Variants in DUSP8 observed in about 807,000 individuals in gnomAD.
The protein encoded by DUSP8 is dual specificity phosphatase 8, also known as dual specificity protein phosphatase 8.
Under a neutral mutation model 38.7 loss-of-function variants are expected in DUSP8, and 15 were observed. That is an observed-to-expected ratio of 0.39 (90% CI 0.26 to 0.60). The LOEUF (loss-of-function observed/expected upper bound fraction) is 0.60, where lower values mean the gene tolerates loss of function less well. DUSP8 is among the 20% of genes least tolerant of loss of function. The probability of loss-of-function intolerance (pLI) is 0.56; values close to 1 mark genes in which losing one functional copy is unlikely to be tolerated. For synonymous variants in DUSP8, 458 were observed against 433.9 expected, an observed-to-expected ratio of 1.06 and a Z score of -0.69; for missense variants, 768 against 915.0, an observed-to-expected ratio of 0.84 and a Z score of 2.07.
At chr11:1,570,900 G>T (rs1206009835) in intron 1 of DUSP8, among the ~76,000 whole-genome samples, 2 of 152,016 alleles carry the variant, frequency 1.3e-5, no homozygotes, top group Non-Finnish European at 2.9e-5. Flanking sequence ...CAGACCCCCC[G>T]CTGGGGCACA....
intron 3 of DUSP8, among the ~76,000 whole-genome samples, chr11:1,561,105 G>C (rs1470197382): frequency 6.6e-6 from 1 of 152,110 alleles, no homozygotes; most frequent in African/African-American, 2.4e-5. Flanking sequence ...CCCAGGCTCT[G>C]GGGGTGAGTG....
rs1214485042 is a variant in DUSP8, at chr11:1,558,129, T to C, written c.680A>G (p.Lys227Arg). Residue 227 changes from lysine to arginine, a missense_variant, in exon 5 of 7, where the codon AAG (lysine) becomes AGG (arginine). Lys to Arg is a conservative substitution (Grantham distance 26, BLOSUM62 2). Coordinates refer to ENST00000397374, the MANE Select transcript of DUSP8 (RefSeq NM_004420.3). This position sits in a 1 kb window ranked among gnomAD's most constrained non-coding sequence, Gnocchi z 6.3. ...AGACTCACCGATGAACTCGATGGAC[T>C]TGTCCAGCCAGGGCAGCAGTTTTTC... ...YCEKLLPWLD[K>R]SIEFIDKAKL... is the part of the protein sequence containing the mutation. 1 of 1,611,944 alleles carries C rather than the reference T, an allele frequency of 6.2e-7. No homozygotes were observed. The highest frequency in any genetic ancestry group is 1.1e-5 in the South Asian group (1 of 90,982).
chr11:1,557,349 C>G lies in DUSP8; in HGVS notation c.1047G>C (p.Glu349Asp). ...GCTCCCCGCCCGCGCTCAGGCCGCC[C>G]TCCCTGGCAGCCGCATTCCCTGTGG... ...SAATGNAAAR[E>D]GGLSAGGEPP... The change falls in exon 7 of 7, where the codon GAG becomes GAC. Residue 349 changes from glutamate (E) to aspartate (D), a missense_variant. Coordinates refer to ENST00000397374, the MANE Select transcript of DUSP8 (RefSeq NM_004420.3). The surrounding 1 kb of genome is among the most constrained non-coding windows in gnomAD (Gnocchi z 9.9). 6.4e-7 allele frequency: 1 copy of G among 1,551,554 alleles called. No individual in the cohort carries two copies. Among genetic ancestry groups the G allele is most frequent in the Admixed American group, 1.9e-5 (1 of 52,758 alleles).
Position 1,557,488 on chromosome 11 carries a change from A to C in DUSP8, c.908T>G (p.Leu303Arg). The C allele has an allele frequency of 3.8e-6, 6 of 1,575,932 alleles. No individual in the cohort carries two copies. The highest frequency in any genetic ancestry group is 5.1e-6 in the Non-Finnish European group (6 of 1,170,992). The change falls in exon 7 of 7, where the codon CTG becomes CGG. Residue 303 changes from leucine to arginine, a missense_variant. Physicochemically the swap from Leu to Arg is moderately radical, Grantham distance 102 (BLOSUM62 -2). This residue lies in a region of DUSP8 where 474 missense variants were observed against 430.8 expected (regional missense o/e 1.10). Coordinates refer to ENST00000397374, the MANE Select transcript of DUSP8 (RefSeq NM_004420.3). The surrounding 1 kb of genome is among the most constrained non-coding windows in gnomAD (Gnocchi z 9.9). ...GCCCGGGTCGCCCTGCAGGGCGGCC[A>C]GCAGCTTCAGGCTGCGCTCGTACTC... ...LLEYERSLKL[L>R]AALQGDPGTP...
intron 3 of DUSP8, 75 bp from the exon 4 acceptor site, chr11:1,559,130 CT>C: frequency 2.1e-6 from 3 of 1,413,424 alleles, no homozygotes; most frequent in Non-Finnish European, 2.9e-6. Flanking sequence ...CCCTGTCCGC[CT>C]AGGGCACCCC....
rs952456420 is a variant in DUSP8 at position 1,559,065 on chromosome 11, G to A, written c.371-10C>T. On this transcript the variant is annotated splice_polypyrimidine_tract_variant and intron_variant, in intron 3 of 6. Coordinates refer to ENST00000397374, the MANE Select transcript of DUSP8 (RefSeq NM_004420.3). ...AAGGTGGCGAAGCCCCCTGTAGGAG[G>A]AGGGCCGTCAAGTGGGTTGAGAGAA... 1.2e-6 allele frequency: 2 copies of A among 1,607,750 alleles called. No individual in the cohort carries two copies. Among genetic ancestry groups the A allele is most frequent in the Middle Eastern group, 2.2e-4 (1 of 4,466 alleles).
rs757170574 is a variant in DUSP8, at chr11:1,565,807, G to A, written c.20C>T (p.Pro7Leu). MAGDRL[P>L]RKVMDAKKLA... ...CTTCTTGGCATCCATCACCTTCCTC[G>A]GGAGCCGGTCCCCAGCCATGGTGGG... The change falls in exon 2 of 7, where the codon CCG (proline) becomes CTG (leucine). Residue 7 changes from proline (P) to leucine (L), a missense_variant. This residue lies in a region of DUSP8 where 252 missense variants were observed against 410.4 expected (regional missense o/e 0.61). Transcript: ENST00000397374. 6 of 1,607,062 alleles carry A rather than the reference G, an allele frequency of 3.7e-6. No individual in the cohort carries two copies. The highest frequency in any genetic ancestry group is 2.2e-5 in the East Asian group (1 of 44,664).
intron 2 of DUSP8, 85 bp downstream of exon 2, chr11:1,565,511 A>G (rs1415142709): frequency 7.3e-6 from 8 of 1,095,492 alleles, no homozygotes; most frequent in Middle Eastern, 4.2e-4. Context: ...TGGAAGGCAG[A>G]GGAGGGGGGT....
chr11:1,554,374 TC>T lies in DUSP8; in HGVS notation c.*2143del, dbSNP rs1413893044. 1 of 142,364 alleles carries T rather than the reference TC, an allele frequency of 7.0e-6. No homozygotes were observed. Among genetic ancestry groups the T allele is most frequent in the Non-Finnish European group, 1.5e-5 (1 of 67,132 alleles). 8.8% of individuals were successfully genotyped at this position (142,364 alleles called of 1,614,324 possible). A position where few individuals can be genotyped will look rare whatever the true frequency, so the allele number is the denominator to read the frequency against. ...CCACCAGGTGGGGCCCTGGCCCGCC[TC>T]CCGCAGCACTGGAGGAGGCAGTGGC... On this transcript the variant is annotated 3_prime_UTR_variant, in exon 7 of 7. Transcript: ENST00000397374.
chr11:1,558,825 A>G lies in DUSP8; in HGVS notation c.537+64T>C. ...TCCCTCATCCCCCGCTCCGCTGCCA[A>G]GCTGCTTCTGGAGCTCCTGCCCCTT... On this transcript the variant is annotated intron_variant, in intron 4 of 6. Transcript: ENST00000397374. The surrounding 1 kb of genome is among the most constrained non-coding windows in gnomAD (Gnocchi z 6.3). 6.5e-7 allele frequency: 1 copy of G among 1,530,838 alleles called. No homozygotes were observed. The highest frequency in any genetic ancestry group is 8.8e-7 in the Non-Finnish European group (1 of 1,133,882). 94.8% of individuals were successfully genotyped at this position (1,530,838 alleles called of 1,614,324 possible). A position where few individuals can be genotyped will look rare whatever the true frequency, so the allele number is the denominator to read the frequency against.
At chr11:1,562,622 C>T (rs117246613) in intron 3 of DUSP8, among the ~76,000 whole-genome samples, 1,730 of 152,216 alleles carry the variant, frequency 0.011, 8 homozygotes, top group Admixed American at 0.018. Context: ...TGCACATATG[C>T]GCACACACAG....
Position 1,555,443 on chromosome 11 carries a change from C to T in DUSP8, c.*1075G>A. The T allele has an allele frequency of 1.0e-6, 1 of 985,744 alleles. No homozygotes were observed. The highest frequency in any genetic ancestry group is 1.2e-6 in the Non-Finnish European group (1 of 829,802). 61.1% of individuals were successfully genotyped at this position (985,744 alleles called of 1,614,324 possible). ...CCTGCTCACAGAGCCCCTCAGCCTGCAGGTGCACACCTGAATTCCAAGTTC... is the reference window on the plus strand; with the variant it reads ...CCTGCTCACAGAGCCCCTCAGCCTGTAGGTGCACACCTGAATTCCAAGTTC... On this transcript the variant is annotated 3_prime_UTR_variant, in exon 7 of 7. Coordinates refer to ENST00000397374, the MANE Select transcript of DUSP8 (RefSeq NM_004420.3).
In DUSP8 at chr11:1,554,959, G is replaced by C; in HGVS notation, c.*1559C>G. The stretch of plus-strand genomic sequence containing the variant: ...GGATGACAGGAACACAGAGCTGTGG[G>C]TGAAAAGAAGAACAAATAGAAGAAA... On this transcript the variant is annotated 3_prime_UTR_variant, in exon 7 of 7. Transcript: ENST00000397374. 1 of 986,148 alleles carries C rather than the reference G, an allele frequency of 1.0e-6. No homozygotes were observed. The highest frequency in any genetic ancestry group is 1.2e-6 in the Non-Finnish European group (1 of 830,206). 61.1% of individuals were successfully genotyped at this position (986,148 alleles called of 1,614,324 possible).
Position 1,558,113 on chromosome 11 carries a change from G to A in DUSP8, c.696C>T (p.Ile232=), listed in dbSNP as rs772729080. Residue 232 remains isoleucine (I), a splice_region_variant and synonymous_variant, in exon 5 of 7, where the codon ATC becomes ATT. Transcript: ENST00000397374. The surrounding 1 kb of genome is among the most constrained non-coding windows in gnomAD (Gnocchi z 6.3). ...GCCCTCCGCCCACCGCAGACTCACCGATGAACTCGATGGACTTGTCCAGCC... is the reference window on the plus strand; with the variant it reads ...GCCCTCCGCCCACCGCAGACTCACCAATGAACTCGATGGACTTGTCCAGCC... The part of the protein sequence containing the change: ...LPWLDKSIEF[I]DKAKLSSCQV... 22 of 1,611,814 alleles carry A rather than the reference G, an allele frequency of 1.4e-5. No homozygotes were observed. The highest frequency in any genetic ancestry group is 4.0e-5 in the African/African-American group (3 of 74,870).
upstream of DUSP8, among the ~76,000 whole-genome samples, chr11:1,572,434 G>C (rs561247425): frequency 5.3e-5 from 8 of 150,120 alleles, no homozygotes; most frequent in South Asian, 8.4e-4. The surrounding 1 kb of genome is among the most constrained non-coding windows in gnomAD (Gnocchi z 4.7). Context: ...TGCCGCGGGG[G>C]GGGGGCGGGG....
At chr11:1,572,468 C>T (rs184810356), upstream of DUSP8, among the ~76,000 whole-genome samples, 100,475 of 147,282 alleles carry the variant, frequency 0.68, 34,803 homozygotes, top group Non-Finnish European at 0.71. This position sits in a 1 kb window ranked among gnomAD's most constrained non-coding sequence, Gnocchi z 4.7. Flanking sequence ...TGGGTCGCGC[C>T]GCCGCCGCCT....
chr11:1,559,301 G>A (rs944056910), intron 3 of DUSP8: 8 of 470,170 alleles, frequency 1.7e-5, no homozygotes, highest in Non-Finnish European at 3.0e-5. Flanking sequence ...ATGCTAATTA[G>A]GGGCTGACCC....
At position 1,554,734 on chromosome 11, in the gene DUSP8, C is replaced by T; in HGVS notation, c.*1784G>A. 1.8e-6 allele frequency: 1 copy of T among 544,878 alleles called. No individual in the cohort carries two copies. Among genetic ancestry groups the T allele is most frequent in the Non-Finnish European group, 2.4e-6 (1 of 425,406 alleles). The allele number at this position is 544,878 out of a possible 1,614,324, so 33.8% of individuals were successfully genotyped here. A position where few individuals can be genotyped will look rare whatever the true frequency, so the allele number is the denominator to read the frequency against. On this transcript the variant is annotated 3_prime_UTR_variant, in exon 7 of 7. Coordinates refer to ENST00000397374, the MANE Select transcript of DUSP8 (RefSeq NM_004420.3). ...AGAAGCGGGAAGCCAGTGCATCCTC[C>T]TCACCCAGGGTCTCCTCAGAAACCC... is the stretch of plus-strand genomic sequence containing the variant.
At chr11:1,571,021 C>T (rs1397108588) in intron 1 of DUSP8, among the ~76,000 whole-genome samples, 7 of 151,846 alleles carry the variant, frequency 4.6e-5, no homozygotes, top group African/African-American at 1.7e-4. Flanking sequence ...CACAGTGTCC[C>T]CGCCCCCCAT....
Sources: gnomAD v4.1 joint callset for allele counts (sites outside exome capture counted in the v4.1 genomes callset) on GRCh38, gnomAD v4.1.1 for gene constraint, gnomAD v4.1.1 regional missense constraint, Gnocchi (gnomAD v3.1) non-coding constraint, MANE v1.5 for transcripts, NCBI Gene and HGNC (gene_info 2026-07-23, HGNC 2026-07-21) for gene names.